The following SATB1 variants were observed in gnomAD, a reference collection of about 807,000 sequenced individuals.
SATB1 encodes the protein SATB homeobox 1.
In SATB1, 11 loss-of-function variants were observed where a neutral mutation model predicts 86.9. That is an observed-to-expected ratio of 0.13 (90% CI 0.08 to 0.21). SATB1 has a LOEUF of 0.21. SATB1 is among the 10% of genes least tolerant of loss of function. SATB1 has a pLI of 1.00. For synonymous variants in SATB1, 357 were observed against 357.2 expected, an observed-to-expected ratio of 1.00 and a Z score of 0.01; for missense variants, 551 against 937.6, an observed-to-expected ratio of 0.59 and a Z score of 5.39.
intron 7 of SATB1, among the ~76,000 whole-genome samples, chr3:18,389,261 GTTTT>G (rs35192555): frequency 4.6e-5 from 6 of 129,718 alleles, no homozygotes; most frequent in East Asian, 2.2e-4. Flanking sequence ...AAACCTTTGG[GTTTT>G]TTTTTTTTTT....
At chr3:18,409,480 C>T (rs896153121) in intron 5 of SATB1, 3 of 151,910 alleles carry the variant, frequency 2.0e-5, no homozygotes, top group East Asian at 1.9e-4. Context: ...GTTCAAAAGA[C>T]GAGGCAAAAA....
intron 2 of SATB1, among the ~76,000 whole-genome samples, chr3:18,432,946 A>G (rs1698935938): frequency 6.6e-6 from 1 of 152,066 alleles, no homozygotes. Context: ...CCCCAATCTT[A>G]CATTGCTTTG....
At chr3:18,402,671 C>T (rs1183499319) in intron 5 of SATB1, among the ~76,000 whole-genome samples, 1 of 152,068 alleles carries the variant, frequency 6.6e-6, no homozygotes, top group East Asian at 1.9e-4. Context: ...ATATGATCTA[C>T]ATGCTTGCGT....
At chr3:18,410,488 G>A (rs1697776299) in intron 5 of SATB1, among the ~76,000 whole-genome samples, 1 of 151,740 alleles carries the variant, frequency 6.6e-6, no homozygotes, top group African/African-American at 2.4e-5. Flanking sequence ...TTAAAAATGG[G>A]GATATAAGAC....
At chr3:18,375,203 T>G (rs1695683426) in intron 9 of SATB1, among the ~76,000 whole-genome samples, 1 of 152,204 alleles carries the variant, frequency 6.6e-6, no homozygotes, top group Non-Finnish European at 1.5e-5. Context: ...GTGATGATGC[T>G]GCCTTGAACC....
At chr3:18,353,628 T>C (rs1465106787) in intron 9 of SATB1, among the ~76,000 whole-genome samples, 2 of 152,172 alleles carry the variant, frequency 1.3e-5, no homozygotes, top group African/African-American at 4.8e-5. Flanking sequence ...ATGGCATGAC[T>C]TTCCTTCCCT....
chr3:18,428,113 A>G (rs564445876), upstream of SATB1, among the ~76,000 whole-genome samples: 1 of 152,322 alleles, frequency 6.6e-6, no homozygotes, highest in Non-Finnish European at 1.5e-5. Flanking sequence ...GTAATTTATA[A>G]AGAAAAGGAA....
At chr3:18,379,894 T>C (rs1204246172) in intron 8 of SATB1, among the ~76,000 whole-genome samples, 3 of 152,176 alleles carry the variant, frequency 2.0e-5, no homozygotes, top group Non-Finnish European at 4.4e-5. Flanking sequence ...GTTCCCCTTC[T>C]AGCTTTGCCA....
chr3:18,364,134 T>C (rs186334184), intron 9 of SATB1, among the ~76,000 whole-genome samples: 2 of 152,258 alleles, frequency 1.3e-5, no homozygotes, highest in East Asian at 1.9e-4. Flanking sequence ...TACATATATA[T>C]TTTTTTCCTC....
Position 18,378,222 on chromosome 3 carries a change from C to T in SATB1, c.1523G>A (p.Arg508His). Reference protein sequence around the residue: ...IYDEIQQEMKRAKVSQALFAK... With the variant: ...IYDEIQQEMKHAKVSQALFAK... ...AAACAGTGCTTGAGACACTTTAGCACGCTTCATTTCCTGCTGAATCTCATC... is the reference window on the plus strand; with the variant it reads ...AAACAGTGCTTGAGACACTTTAGCATGCTTCATTTCCTGCTGAATCTCATC... Residue 508 changes from arginine (R) to histidine (H), a missense_variant, in exon 9 of 11, where the codon CGT becomes CAT. By Grantham distance (29) the Arg-to-His change is conservative. Coordinates refer to ENST00000338745, the MANE Select transcript of SATB1 (RefSeq NM_002971.6). 1 of 1,609,698 alleles carries T rather than the reference C, an allele frequency of 6.2e-7. No homozygotes were observed. The highest frequency in any genetic ancestry group is 8.5e-7 in the Non-Finnish European group (1 of 1,178,334).
chr3:18,423,744 A>G lies in SATB1; in HGVS notation c.-142T>C, dbSNP rs1218568329. The G allele has an allele frequency of 1.1e-4, 1 of 8,706 alleles. No homozygotes were observed. The highest frequency in any genetic ancestry group is 2.5e-4 in the Non-Finnish European group (1 of 4,076). The allele number at this position is 8,706 out of a possible 1,614,324, so 0.5% of individuals were successfully genotyped here. On this transcript the variant is annotated 5_prime_UTR_variant, in exon 1 of 11. Coordinates refer to ENST00000338745, the MANE Select transcript of SATB1 (RefSeq NM_002971.6). ...TCTATGTCCTTTTTTTTTTTAATTA[A>G]AAAAAAAAAAATAAAAAAGCAGCAG...
In SATB1 at chr3:18,443,970, T is replaced by C. The variant is rs1237637692; in HGVS notation, c.-25+1548A>G. Reference sequence around the variant, plus strand: ...GGCTTTCAAACTCCGGGCTCCAACTTGAGCGCCCCGGCGCCCGAGTAGCTC... The same window carrying C: ...GGCTTTCAAACTCCGGGCTCCAACTCGAGCGCCCCGGCGCCCGAGTAGCTC... On this transcript the variant is annotated intron_variant, in intron 1 of 3. Transcript: ENST00000415069. The surrounding 1 kb of genome is among the most constrained non-coding windows in gnomAD (Gnocchi z 4.4). 1.3e-5 allele frequency among the ~76,000 whole-genome samples: 2 copies of C among 152,118 alleles called. No individual in the cohort carries two copies. The highest frequency in any genetic ancestry group is 3.9e-4 in the East Asian group (2 of 5,160).
At chr3:18,357,081 G>A (rs1694682549) in intron 9 of SATB1, among the ~76,000 whole-genome samples, 1 of 151,684 alleles carries the variant, frequency 6.6e-6, no homozygotes, top group South Asian at 2.1e-4. Flanking sequence ...AAATACATCT[G>A]AAAAAACAGA....
intron 9 of SATB1, among the ~76,000 whole-genome samples, chr3:18,367,625 G>A (rs1170768419): frequency 6.6e-6 from 1 of 152,166 alleles, no homozygotes; most frequent in Non-Finnish European, 1.5e-5. Context: ...GATTCTTGTA[G>A]TCTAACGATT....
At chr3:18,377,809 GA>G (rs1235346527) in intron 9 of SATB1, among the ~76,000 whole-genome samples, 7 of 151,300 alleles carry the variant, frequency 4.6e-5, no homozygotes, top group South Asian at 4.2e-4. Flanking sequence ...ATTTTAGTAG[GA>G]AAAAAAATAA....
intron 10 of SATB1, chr3:18,350,651 A>G (rs1694309445): frequency 6.6e-6 from 1 of 152,242 alleles, no homozygotes; most frequent in African/African-American, 2.4e-5. Flanking sequence ...GTACTTTTTA[A>G]ATTAATTAAC....
At chr3:18,381,617 C>G (rs201736282) in intron 8 of SATB1, among the ~76,000 whole-genome samples, 9 of 152,102 alleles carry the variant, frequency 5.9e-5, no homozygotes, top group Non-Finnish European at 1.0e-4. Flanking sequence ...ACCTTCTTTA[C>G]TTGAAAAAAT....
upstream of SATB1, chr3:18,425,339 TGGCGGC>T (rs772437246): frequency 2.6e-4 from 38 of 148,270 alleles, no homozygotes; most frequent in East Asian, 1.9e-3. Flanking sequence ...AGCGAGAAAG[TGGCGGC>T]GGCGGCGGCG....
intron 2 of SATB1, among the ~76,000 whole-genome samples, chr3:18,430,784 C>T (rs114981189): frequency 2.6e-5 from 4 of 152,092 alleles, no homozygotes; most frequent in Admixed American, 1.3e-4. Context: ...AGAATGATAG[C>T]GATCAAAAGT....
Sources: gnomAD v4.1 joint callset for allele counts (sites outside exome capture counted in the v4.1 genomes callset) on GRCh38, gnomAD v4.1.1 for gene constraint, Gnocchi (gnomAD v3.1) non-coding constraint, MANE v1.5 for transcripts, NCBI Gene and HGNC (gene_info 2026-07-23, HGNC 2026-07-21) for gene names.